The following PTPRS variants were observed in gnomAD, a reference collection of about 807,000 sequenced individuals.
PTPRS encodes protein tyrosine phosphatase receptor type S, also known as receptor-type tyrosine-protein phosphatase S.
A neutral mutation model predicts 215.3 loss-of-function variants in PTPRS; 63 were observed. The observed-to-expected ratio is 0.29, with a 90% CI of 0.24 to 0.36. The LOEUF is 0.36. Among genes scored for constraint, PTPRS ranks in the 10% least tolerant of loss-of-function variants. The pLI, the probability that PTPRS is intolerant of heterozygous loss-of-function variation, is 1.00. For synonymous variants in PTPRS, 1,404 were observed against 1,191.4 expected (o/e 1.18, Z -3.68); for missense variants, 2,258 against 2,825.8 (o/e 0.80, Z 4.56).
intron 33 of PTPRS, 85 bp downstream of exon 33, chr19:5,211,505 T>TC: frequency 7.2e-7 from 1 of 1,396,178 alleles, no homozygotes; most frequent in South Asian, 1.3e-5. Flanking sequence ...TCTCCCCAGC[T>TC]CTGTCTCCCA....
At chr19:5,239,279 A>C (rs2043792632) in intron 12 of PTPRS, among the ~76,000 whole-genome samples, 1 of 151,864 alleles carries the variant, frequency 6.6e-6, no homozygotes. Context: ...ACAGAGATAC[A>C]GACAGAAAAA....
At chr19:5,328,279 G>T (rs147678121) in intron 1 of PTPRS, among the ~76,000 whole-genome samples, 1 of 152,088 alleles carries the variant, frequency 6.6e-6, no homozygotes, top group Non-Finnish European at 1.5e-5. Context: ...ACCACGGCCA[G>T]CTGTATTTTT....
At chr19:5,212,689 C>A (rs554225463) in intron 30 of PTPRS, among the ~76,000 whole-genome samples, 198 bp from the exon 31 acceptor site, 1 of 152,258 alleles carries the variant, frequency 6.6e-6, no homozygotes, top group African/African-American at 2.4e-5. Context: ...ACTAAAAATA[C>A]AAAATTAGCT....
intron 4 of PTPRS, among the ~76,000 whole-genome samples, chr19:5,270,701 A>G (rs1292347611): frequency 1.3e-5 from 2 of 151,840 alleles, no homozygotes; most frequent in Non-Finnish European, 2.9e-5. Context: ...ACAGTGGCGC[A>G]ATCTCAGCTC....
chr19:5,290,418 C>T (rs999095173), intron 1 of PTPRS, among the ~76,000 whole-genome samples: 3 of 152,202 alleles, frequency 2.0e-5, no homozygotes, highest in Non-Finnish European at 2.9e-5. Context: ...GGGGCTCCCC[C>T]GCGGTGCTAA....
At chr19:5,269,214 T>C (rs948368722) in intron 4 of PTPRS, among the ~76,000 whole-genome samples, 4 of 152,226 alleles carry the variant, frequency 2.6e-5, no homozygotes, top group Admixed American at 1.3e-4. Context: ...ACGTGAGCAA[T>C]TCCCGTGTGT....
At chr19:5,208,508 T>A in intron 35 of PTPRS, 117 bp from the exon 36 acceptor site, 1 of 1,098,900 alleles carries the variant, frequency 9.1e-7, no homozygotes, top group Non-Finnish European at 1.2e-6. Context: ...TGAGATGGAG[T>A]TTCACTCTTG....
chr19:5,305,576 C>T (rs867951202), intron 1 of PTPRS, among the ~76,000 whole-genome samples: 2 of 142,626 alleles, frequency 1.4e-5, no homozygotes, highest in Middle Eastern at 4.1e-3. Context: ...AATCCTTGTG[C>T]CTAGAAGCTG....
At chr19:5,238,600 GGAGA>G (rs2043694000) in intron 13 of PTPRS, among the ~76,000 whole-genome samples, 1 of 152,212 alleles carries the variant, frequency 6.6e-6, no homozygotes, top group Non-Finnish European at 1.5e-5. Context: ...GATGGAAAGA[GGAGA>G]AAGAAGGCGT....
intron 33 of PTPRS, among the ~76,000 whole-genome samples, chr19:5,211,262 T>C (rs1026993415): frequency 1.3e-5 from 2 of 152,198 alleles, no homozygotes; most frequent in Non-Finnish European, 2.9e-5. Context: ...TACTGTAGGA[T>C]GCTGAGCAGC....
intron 2 of PTPRS, among the ~76,000 whole-genome samples, chr19:5,282,905 C>T (rs986071581): frequency 7.2e-4 from 109 of 152,188 alleles, no homozygotes; most frequent in African/African-American, 2.6e-3. Context: ...GAAAATCACG[C>T]AGGCTGGATA....
chr19:5,263,346 G>A (rs1293006678), intron 5 of PTPRS, among the ~76,000 whole-genome samples: 1 of 152,100 alleles, frequency 6.6e-6, no homozygotes, highest in African/African-American at 2.4e-5. Flanking sequence ...AGACATTCTG[G>A]GCTCCACGTC....
chr19:5,268,706 C>T (rs1368263083), intron 4 of PTPRS, among the ~76,000 whole-genome samples: 3 of 152,184 alleles, frequency 2.0e-5, no homozygotes, highest in African/African-American at 7.2e-5. Flanking sequence ...GCGCAGGCAA[C>T]GGAACCTGTG....
intron 13 of PTPRS, among the ~76,000 whole-genome samples, chr19:5,235,644 G>A (rs1000229524): frequency 5.9e-5 from 9 of 152,186 alleles, no homozygotes; most frequent in African/African-American, 9.7e-5. Context: ...CCTACTGTGC[G>A]CCTGGCACTA....
chr19:5,331,382 T>G (rs1600143567), intron 1 of PTPRS, among the ~76,000 whole-genome samples: 1 of 152,130 alleles, frequency 6.6e-6, no homozygotes, highest in Non-Finnish European at 1.5e-5. Context: ...ATCCTCCCGC[T>G]TTAACCTCCC....
intron 17 of PTPRS, 25 bp downstream of exon 17, chr19:5,225,702 G>A (rs1165478843): frequency 6.3e-7 from 1 of 1,587,482 alleles, no homozygotes; most frequent in Non-Finnish European, 8.7e-7. Flanking sequence ...GCTGTTGGTG[G>A]GTGGGAGGAG....
chr19:5,274,382 G>A (rs1257765033), intron 2 of PTPRS, 38 bp from the exon 3 acceptor site: 3 of 1,585,554 alleles, frequency 1.9e-6, no homozygotes, highest in Admixed American at 1.7e-5. Context: ...GCGCTGATGG[G>A]TCCAGGCATC....
At chr19:5,276,977 G>A (rs574400889) in intron 2 of PTPRS, among the ~76,000 whole-genome samples, 2 of 151,880 alleles carry the variant, frequency 1.3e-5, no homozygotes, top group East Asian at 3.9e-4. Flanking sequence ...CTCCCAGAGG[G>A]ACACTAGATT....
chr19:5,239,100 G>A, intron 12 of PTPRS, 37 bp from the exon 13 acceptor site: 3 of 1,507,768 alleles, frequency 2.0e-6, no homozygotes, highest in Non-Finnish European at 2.7e-6. Flanking sequence ...GAGGGATGGG[G>A]GAGAGAGAGA....
Sources: allele counts gnomAD v4.1 joint callset (sites outside exome capture counted in the v4.1 genomes callset), GRCh38; gene constraint gnomAD v4.1.1; transcripts MANE v1.5; gene names NCBI Gene and HGNC (gene_info 2026-07-23, HGNC 2026-07-21).